The following CCDC91 variants were observed in gnomAD, a reference collection of about 807,000 sequenced individuals.
CCDC91 encodes coiled-coil domain containing 91.
Under a neutral mutation model 63.2 loss-of-function variants are expected in CCDC91, and 48 were observed. The observed-to-expected ratio is 0.76, with a 90% CI of 0.60 to 0.97. The LOEUF (loss-of-function observed/expected upper bound fraction) is 0.97. CCDC91 is among the 50% of genes least tolerant of loss of function. CCDC91 has a pLI of 0.00. For synonymous variants in CCDC91, 167 were observed against 165.8 expected (o/e 1.01, Z -0.06); for missense variants, 500 against 494.6 (o/e 1.01, Z -0.10).
intron 12 of CCDC91, among the ~76,000 whole-genome samples, chr12:28,491,861 T>TTG (rs35451448): frequency 0.16 from 22,485 of 144,982 alleles, 1,778 homozygotes; most frequent in Non-Finnish European, 0.18. Context: ...GTCAAAAATT[T>TTG]TGTGTGTGTG....
intron 12 of CCDC91, among the ~76,000 whole-genome samples, chr12:28,545,781 T>TTA (rs892549582): frequency 3.3e-5 from 5 of 152,048 alleles, no homozygotes; most frequent in South Asian, 2.1e-4. Context: ...TTTTTTGTCC[T>TTA]TATATATATA....
intron 6 of CCDC91, among the ~76,000 whole-genome samples, chr12:28,338,659 GAATT>G (rs1942187312): frequency 1.3e-5 from 2 of 151,160 alleles, no homozygotes. Flanking sequence ...TGATTGTCAT[GAATT>G]AAAAAAAAAA....
chr12:28,478,708 A>C (rs1951263628), intron 11 of CCDC91, among the ~76,000 whole-genome samples: 1 of 152,194 alleles, frequency 6.6e-6, no homozygotes. Context: ...TTTGCAATCT[A>C]TTCATCTGAC....
rs564616233 is a variant in CCDC91 at position 28,534,228 on chromosome 12, A to C, written c.1216-14835A>C. Among the ~76,000 whole-genome samples the C allele has an allele frequency of 1.1e-4, 16 of 152,298 alleles. 1 individual carries two copies. The South Asian group carries it at 3.1e-3, about 30-fold the overall frequency. ...CTGTAAACTAAGAATAATGATCATA[A>C]TTTAGGCAGTGCTTACTTTCCATCC... On this transcript the variant is annotated intron_variant, in intron 12 of 12. Coordinates refer to ENST00000536442, the MANE Select transcript of CCDC91 (RefSeq NM_018318.5).
chr12:28,203,078 C>T (rs531788045), intron 1 of CCDC91, among the ~76,000 whole-genome samples: 46 of 152,250 alleles, frequency 3.0e-4, no homozygotes, highest in Admixed American at 1.5e-3. Flanking sequence ...CCCTATTTTG[C>T]CCCTCCTGGT....
chr12:28,415,833 A>T (rs1304037772), intron 8 of CCDC91, among the ~76,000 whole-genome samples: 8 of 152,154 alleles, frequency 5.3e-5, no homozygotes, highest in South Asian at 4.1e-4. Flanking sequence ...GAAAAAAGGC[A>T]ATGTTGACAT....
At chr12:28,276,417 C>T (rs2136479876) in intron 3 of CCDC91, among the ~76,000 whole-genome samples, 1 of 152,060 alleles carries the variant, frequency 6.6e-6, no homozygotes, top group Admixed American at 6.6e-5. Flanking sequence ...GGCAATCATA[C>T]TTCACAAGTG....
At chr12:28,259,151 A>AT (rs1301091942) in intron 2 of CCDC91, among the ~76,000 whole-genome samples, 3 of 152,000 alleles carry the variant, frequency 2.0e-5, no homozygotes, top group Non-Finnish European at 4.4e-5. Context: ...TAAGGAAAAA[A>AT]TTTTTACTTG....
intron 3 of CCDC91, among the ~76,000 whole-genome samples, chr12:28,272,075 C>T (rs530049015): frequency 1.8e-4 from 27 of 151,862 alleles, no homozygotes; most frequent in African/African-American, 6.3e-4. Flanking sequence ...TTCTGATTTC[C>T]GTAATTGTTT....
intron 12 of CCDC91, among the ~76,000 whole-genome samples, chr12:28,547,911 A>G (rs1943098656): frequency 1.3e-5 from 2 of 152,154 alleles, no homozygotes; most frequent in African/African-American, 4.8e-5. Flanking sequence ...GCTTGTGAGA[A>G]GAATGACAAC....
In CCDC91 at chr12:28,549,391, G is replaced by A; in HGVS notation, c.*218G>A. ...ATTTACTGTTATTTTATTATTATTA[G>A]TAGTAGCAGCAACAGAGTATGATAT... On this transcript the variant is annotated 3_prime_UTR_variant, in exon 13 of 13. Transcript: ENST00000536442. 2.8e-6 allele frequency: 1 copy of A among 359,802 alleles called. No homozygotes were observed. The highest frequency in any genetic ancestry group is 5.1e-6 in the Non-Finnish European group (1 of 194,648). 22.3% of individuals were successfully genotyped at this position (359,802 alleles called of 1,614,324 possible).
chr12:28,364,544 A>G (rs1233314012), intron 7 of CCDC91, among the ~76,000 whole-genome samples: 1 of 152,230 alleles, frequency 6.6e-6, no homozygotes, highest in Non-Finnish European at 1.5e-5. Flanking sequence ...GATTTTGTCA[A>G]CTTATTTTAT....
chr12:28,463,011 G>T (rs917047442), intron 11 of CCDC91, among the ~76,000 whole-genome samples: 16 of 152,128 alleles, frequency 1.1e-4, no homozygotes, highest in Non-Finnish European at 2.1e-4. Context: ...CCGGGAAACT[G>T]CAGTATTTCC....
At chr12:28,476,288 G>GCAAT (rs1951086741) in intron 11 of CCDC91, among the ~76,000 whole-genome samples, 1 of 152,082 alleles carries the variant, frequency 6.6e-6, no homozygotes. Flanking sequence ...AGACCACAGT[G>GCAAT]CAATCAAACT....
In CCDC91 at chr12:28,360,993, GTTTT is replaced by G. The variant is rs558928873; in HGVS notation, c.577-1442_577-1439del. Among the ~76,000 whole-genome samples the G allele has an allele frequency of 8.4e-4, 127 of 150,896 alleles. 3 individuals carry two copies. In the South Asian group the frequency reaches 0.018, roughly 22 times the overall value. ...TAATTCTTTAGTTTTGGTAAATTGT[GTTTT>G]TTATTTTAGTAGTTTTAAAATTTTA... On this transcript the variant is annotated intron_variant, in intron 6 of 12. Transcript: ENST00000536442.
At chr12:28,378,760 A>G (rs1331653444) in intron 7 of CCDC91, among the ~76,000 whole-genome samples, 3 of 152,206 alleles carry the variant, frequency 2.0e-5, no homozygotes, top group East Asian at 1.9e-4. Flanking sequence ...TGTTGCCAAT[A>G]GAGTTTGGCC....
intron 12 of CCDC91, among the ~76,000 whole-genome samples, chr12:28,519,426 C>T (rs930976293): frequency 6.6e-6 from 1 of 151,902 alleles, no homozygotes; most frequent in Non-Finnish European, 1.5e-5. Flanking sequence ...GATCTGGAAA[C>T]TGTTGACTTT....
chr12:28,344,745 A>T (rs1942687451), intron 6 of CCDC91, among the ~76,000 whole-genome samples: 1 of 152,138 alleles, frequency 6.6e-6, no homozygotes, highest in Non-Finnish European at 1.5e-5. Context: ...AAGTTTAGCT[A>T]TTAGCCTTTG....
intron 8 of CCDC91, among the ~76,000 whole-genome samples, chr12:28,435,913 T>C (rs1363141350): frequency 2.0e-5 from 3 of 151,822 alleles, no homozygotes; most frequent in Non-Finnish European, 4.4e-5. Flanking sequence ...GTCTGAAATA[T>C]AGCTAGTCTG....
Sources: gnomAD v4.1 joint callset for allele counts (sites outside exome capture counted in the v4.1 genomes callset) on GRCh38, gnomAD v4.1.1 for gene constraint, MANE v1.5 for transcripts, NCBI Gene and HGNC (gene_info 2026-07-23, HGNC 2026-07-21) for gene names.